The following DIAPH3 variants were observed in gnomAD, a reference collection of about 807,000 sequenced individuals.
DIAPH3 encodes the protein protein diaphanous homolog 3.
Under a neutral mutation model 144.3 loss-of-function variants are expected in DIAPH3, and 117 were observed. The ratio of observed to expected loss-of-function variants is 0.81; its 90% confidence interval spans 0.70 to 0.95. The LOEUF (loss-of-function observed/expected upper bound fraction) is 0.95. Among genes scored for constraint, DIAPH3 ranks in the 40% least tolerant of loss-of-function variants. DIAPH3 has a pLI of 0.00. For missense variants in DIAPH3, 1,421 were observed against 1,412.7 expected, an observed-to-expected ratio of 1.01 and a Z score of -0.09; for synonymous variants, 519 against 488.9, an observed-to-expected ratio of 1.06 and a Z score of -0.81.
chr13:59,676,479 A>G (rs1316425908), intron 27 of DIAPH3, among the ~76,000 whole-genome samples: 1 of 152,162 alleles, frequency 6.6e-6, no homozygotes, highest in African/African-American at 2.4e-5. Context: ...TTTCTTCTCC[A>G]AGCCAAACAG....
chr13:59,898,546 A>G (rs1057284473), intron 20 of DIAPH3, among the ~76,000 whole-genome samples: 1 of 152,216 alleles, frequency 6.6e-6, no homozygotes, highest in African/African-American at 2.4e-5. Context: ...TTAGTTTTTC[A>G]TATTTAAAAT....
intron 17 of DIAPH3, among the ~76,000 whole-genome samples, chr13:59,938,143 T>C (rs2048350225): frequency 5.9e-5 from 9 of 152,208 alleles, no homozygotes; most frequent in Admixed American, 5.9e-4. Context: ...GTCTAGCTAA[T>C]TGGAGTTCCA....
intron 4 of DIAPH3, among the ~76,000 whole-genome samples, chr13:60,054,681 G>A (rs2056489716): frequency 6.6e-6 from 1 of 152,008 alleles, no homozygotes; most frequent in Non-Finnish European, 1.5e-5. Context: ...AGTCAGTGCA[G>A]TACAAAACAA....
At chr13:60,041,378 T>TA (rs1425578974) in intron 5 of DIAPH3, among the ~76,000 whole-genome samples, 3 of 152,294 alleles carry the variant, frequency 2.0e-5, no homozygotes, top group East Asian at 3.9e-4. Context: ...TATGAAGCCC[T>TA]AGTCTCATGC....
chr13:59,956,795 G>T (rs980410577), intron 17 of DIAPH3, among the ~76,000 whole-genome samples: 4 of 152,178 alleles, frequency 2.6e-5, no homozygotes, highest in Admixed American at 2.0e-4. Flanking sequence ...GATGTACCCT[G>T]CAAGACCACA....
intron 1 of DIAPH3, among the ~76,000 whole-genome samples, chr13:60,154,516 G>A (rs1034158468): frequency 7.9e-5 from 12 of 152,062 alleles, no homozygotes; most frequent in African/African-American, 2.9e-4. Context: ...AAAATCTATG[G>A]CAAGCATTTC....
At chr13:59,836,482 A>G (rs2042050058) in intron 23 of DIAPH3, among the ~76,000 whole-genome samples, 1 of 151,836 alleles carries the variant, frequency 6.6e-6, no homozygotes, top group African/African-American at 2.4e-5. Context: ...TAAAATGTCA[A>G]TGATATTTGA....
intron 24 of DIAPH3, among the ~76,000 whole-genome samples, chr13:59,820,511 T>G (rs1341978571): frequency 6.6e-6 from 1 of 151,928 alleles, no homozygotes; most frequent in African/African-American, 2.4e-5. Context: ...AGTACTACTT[T>G]CACTTGAAAT....
intron 2 of DIAPH3, among the ~76,000 whole-genome samples, chr13:60,127,338 G>T (rs1386117487): frequency 6.6e-6 from 1 of 151,730 alleles, no homozygotes; most frequent in Admixed American, 6.6e-5. Flanking sequence ...GGAAAAAATA[G>T]ATTACTTGAA....
chr13:60,112,068 T>C lies in DIAPH3; in HGVS notation c.332A>G (p.Glu111Gly). 6.2e-7 allele frequency: 1 copy of C among 1,614,188 alleles called. No individual in the cohort carries two copies. Among genetic ancestry groups the C allele is most frequent in the Non-Finnish European group, 8.5e-7 (1 of 1,180,020 alleles). The change falls in exon 3 of 28, where the codon GAG (glutamate) becomes GGG (glycine). Residue 111 changes from glutamate to glycine, a missense_variant. Glu to Gly is a moderately conservative substitution (Grantham distance 98). Transcript: ENST00000400324. Reference sequence around the variant, plus strand: ...CTCTGACAGTGGCTTTGGAAAGTTCTCCATCATCTCTAAAGGTGCTGCTGA... The same window carrying C: ...CTCTGACAGTGGCTTTGGAAAGTTCCCCATCATCTCTAAAGGTGCTGCTGA... ...DCSAAPLEMM[E>G]NFPKPLSENE...
intron 21 of DIAPH3, among the ~76,000 whole-genome samples, chr13:59,872,066 C>G (rs1030138530): frequency 6.6e-6 from 1 of 152,082 alleles, no homozygotes. Context: ...TTTTCTGTAT[C>G]AATTTCATTG....
intron 20 of DIAPH3, among the ~76,000 whole-genome samples, chr13:59,909,516 AAAAAT>A: frequency 6.6e-6 from 1 of 152,316 alleles, no homozygotes; most frequent in South Asian, 2.1e-4. Flanking sequence ...AAAATAAAAT[AAAAAT>A]ATTTCATTTT....
intron 27 of DIAPH3, among the ~76,000 whole-genome samples, chr13:59,729,266 G>A (rs1313414585): frequency 1.3e-5 from 2 of 152,144 alleles, no homozygotes; most frequent in African/African-American, 4.8e-5. Context: ...AATTACTTAT[G>A]ACATTTCCCC....
At chr13:59,921,413 TA>T (rs1277373868) in intron 18 of DIAPH3, among the ~76,000 whole-genome samples, 2 of 150,298 alleles carry the variant, frequency 1.3e-5, no homozygotes, top group Admixed American at 6.6e-5. Flanking sequence ...ACCACAAAAA[TA>T]AAAAAAGAAT....
intron 21 of DIAPH3, among the ~76,000 whole-genome samples, chr13:59,865,767 G>T (rs2043880071): frequency 6.6e-6 from 1 of 151,958 alleles, no homozygotes; most frequent in South Asian, 2.1e-4. Flanking sequence ...GGATATTTTT[G>T]AGGTATTCAG....
At chr13:59,827,417 T>A (rs543344307) in intron 24 of DIAPH3, among the ~76,000 whole-genome samples, 3 of 151,960 alleles carry the variant, frequency 2.0e-5, no homozygotes, top group Admixed American at 2.0e-4. Flanking sequence ...GGTAGAAAAA[T>A]TATTTTGAAA....
chr13:59,894,475 A>G (rs1450668239), intron 20 of DIAPH3, among the ~76,000 whole-genome samples: 8 of 152,022 alleles, frequency 5.3e-5, no homozygotes, highest in Middle Eastern at 3.4e-3. Flanking sequence ...AAGTGGTAAT[A>G]AGAATTCAGT....
rs142595736 is a variant in DIAPH3 at position 60,083,842 on chromosome 13, T to C, written c.495+9786A>G. On this transcript the variant is annotated intron_variant, in intron 4 of 27. Transcript: ENST00000400324. ...TCACTTGAGCCCAGGAGTTCAGTAT[T>C]ACAGTAAGCTATCATCACTACTGCA... Among the ~76,000 whole-genome samples, 540 of 151,926 alleles carry C rather than the reference T, an allele frequency of 3.6e-3. 2 individuals carry two copies. Among genetic ancestry groups the C allele is most frequent in the Non-Finnish European group, 2.4e-3 (162 of 67,914 alleles).
chr13:60,055,927 C>T (rs911420645), intron 4 of DIAPH3, among the ~76,000 whole-genome samples: 1 of 151,622 alleles, frequency 6.6e-6, no homozygotes, highest in Non-Finnish European at 1.5e-5. Context: ...AAAGTTCTGA[C>T]TTTTTTAGTA....
Sources: allele counts gnomAD v4.1 joint callset (sites outside exome capture counted in the v4.1 genomes callset), GRCh38; gene constraint gnomAD v4.1.1; transcripts MANE v1.5; gene names NCBI Gene and HGNC (gene_info 2026-07-23, HGNC 2026-07-21).